The following ADCY1 variants were observed in gnomAD, a reference collection of about 807,000 sequenced individuals.
ADCY1 encodes adenylate cyclase type 1.
ADCY1 carries 28 observed loss-of-function variants against 105.4 expected under a neutral mutation model. That is an observed-to-expected ratio of 0.27 (90% CI 0.20 to 0.36). The LOEUF (loss-of-function observed/expected upper bound fraction) is 0.36, where lower values mean the gene tolerates loss of function less well. Ranked by LOEUF, ADCY1 falls within the 10% of genes least tolerant of loss-of-function variation. The probability of loss-of-function intolerance (pLI) is 1.00; values close to 1 mark genes in which losing one functional copy is unlikely to be tolerated. For missense variants in ADCY1, 977 were observed against 1,434.2 expected (o/e 0.68, Z 5.15); for synonymous variants, 655 against 623.8 (o/e 1.05, Z -0.75).
Position 45,610,507 on chromosome 7 carries a change from G to A in ADCY1, c.908+10G>A, listed in dbSNP as rs74882878. On this transcript the variant is annotated intron_variant, in intron 3 of 19. Coordinates refer to ENST00000297323, the MANE Select transcript of ADCY1 (RefSeq NM_021116.4). ...GGCACGACAATGTGAGGTAGGGCTG[G>A]TGCTGACCCGGCACAGCGGGGAGCC... 1 of 1,609,810 alleles carries A rather than the reference G, an allele frequency of 6.2e-7. No homozygotes were observed. Among genetic ancestry groups the A allele is most frequent in the African/African-American group, 1.3e-5 (1 of 74,832 alleles).
At chr7:45,633,767 A>ACT (rs1199503737) in intron 4 of ADCY1, among the ~76,000 whole-genome samples, 1 of 146,378 alleles carries the variant, frequency 6.8e-6, no homozygotes, top group East Asian at 2.0e-4. Flanking sequence ...GTGCCACTGC[A>ACT]CTCCAGCCTG....
At position 45,575,112 on chromosome 7, in the gene ADCY1, T is replaced by C; in HGVS notation, c.569T>C (p.Val190Ala). 1 of 1,612,502 alleles carries C rather than the reference T, an allele frequency of 6.2e-7. No homozygotes were observed. The highest frequency in any genetic ancestry group is 2.2e-5 in the East Asian group (1 of 44,854). ...CTGCTGGCCATAGGCTTTGGGCTCG[T>C]GGTGGCTGCGTCGCACTTGCTGGTC... ...RSLLAIGFGL[V>A]VAASHLLVTA... Residue 190 changes from valine (V) to alanine (A), a missense_variant, in exon 1 of 20, where the codon GTG becomes GCG. Around this residue, in one of 7 missense-constraint regions of ADCY1, gnomAD observed 196 missense variants for 347.8 expected, o/e 0.56. Coordinates refer to ENST00000297323, the MANE Select transcript of ADCY1 (RefSeq NM_021116.4). The surrounding 1 kb of genome is among the most constrained non-coding windows in gnomAD (Gnocchi z 4.7).
intron 2 of ADCY1, among the ~76,000 whole-genome samples, chr7:45,603,369 T>C (rs1332802402): frequency 6.6e-6 from 1 of 152,254 alleles, no homozygotes; most frequent in Non-Finnish European, 1.5e-5. Context: ...GTTAGCATTT[T>C]AAGGAGCTGC....
chr7:45,708,248 G>A lies in ADCY1; in HGVS notation c.2818-102G>A. 1.4e-6 allele frequency: 1 copy of A among 721,674 alleles called. No homozygotes were observed. The highest frequency in any genetic ancestry group is 2.2e-5 in the Admixed American group (1 of 45,456). 44.7% of individuals were successfully genotyped at this position (721,674 alleles called of 1,614,324 possible). ...GTGCCTATAGCCAGGCACTCAGAGT[G>A]CCTTCCTCTGAAAGTGCAGCTGTTG... On this transcript the variant is annotated intron_variant, in intron 17 of 19. Coordinates refer to ENST00000297323, the MANE Select transcript of ADCY1 (RefSeq NM_021116.4). The surrounding 1 kb of genome is among the most constrained non-coding windows in gnomAD (Gnocchi z 4.7).
At chr7:45,595,632 C>T (rs762394155) in intron 2 of ADCY1, among the ~76,000 whole-genome samples, 5 of 152,254 alleles carry the variant, frequency 3.3e-5, no homozygotes, top group East Asian at 1.9e-4. Flanking sequence ...CTCATCCCCA[C>T]GTTTCCCCAG....
intron 2 of ADCY1, among the ~76,000 whole-genome samples, chr7:45,599,446 G>A (rs1031600705): frequency 1.3e-5 from 2 of 150,658 alleles, no homozygotes; most frequent in Admixed American, 6.6e-5. Context: ...TGGCTTGTGC[G>A]TCACAGTTTG....
chr7:45,641,973 C>T (rs954203591), intron 4 of ADCY1, among the ~76,000 whole-genome samples: 3 of 149,106 alleles, frequency 2.0e-5, no homozygotes, highest in African/African-American at 4.9e-5. Context: ...CTGATTTGTT[C>T]CAACCAGGAT....
At position 45,708,382 on chromosome 7, in the gene ADCY1, G is replaced by A. The variant is rs768503630; in HGVS notation, c.2850G>A (p.Thr950=). The A allele has an allele frequency of 1.4e-5, 22 of 1,614,184 alleles. No homozygotes were observed. Among genetic ancestry groups the A allele is most frequent in the East Asian group, 6.7e-5 (3 of 44,884 alleles). ...AKKSISSHLS[T]LADFAIEMFD... ...AGTCCATCTCCTCCCACCTGAGCAC[G>A]CTGGCGGACTTTGCCATTGAGATGT... The change falls in exon 18 of 20, where the codon ACG becomes ACA. Residue 950 remains threonine, a synonymous_variant. Coordinates refer to ENST00000297323, the MANE Select transcript of ADCY1 (RefSeq NM_021116.4). The surrounding 1 kb of genome is among the most constrained non-coding windows in gnomAD (Gnocchi z 4.7).
chr7:45,678,317 G>T, intron 10 of ADCY1, 54 bp downstream of exon 10: 3 of 1,547,034 alleles, frequency 1.9e-6, no homozygotes, highest in Non-Finnish European at 1.8e-6. Context: ...CCGGTTTCTG[G>T]GGTTCGTGGT....
chr7:45,669,109 G>A (rs1410386748), intron 8 of ADCY1, among the ~76,000 whole-genome samples: 1 of 152,020 alleles, frequency 6.6e-6, no homozygotes, highest in Non-Finnish European at 1.5e-5. Flanking sequence ...TTTTTGAAGG[G>A]TTTTTGTGTC....
intron 3 of ADCY1, among the ~76,000 whole-genome samples, chr7:45,614,618 C>G (rs561979111): frequency 4.6e-5 from 7 of 152,172 alleles, no homozygotes; most frequent in African/African-American, 1.7e-4. Flanking sequence ...AAAAACAAAA[C>G]CAAAACCAAG....
At chr7:45,626,484 A>G (rs528228312) in intron 4 of ADCY1, among the ~76,000 whole-genome samples, 1 of 152,294 alleles carries the variant, frequency 6.6e-6, no homozygotes, top group South Asian at 2.1e-4. Flanking sequence ...CAGGGCTGAC[A>G]GTGCTGGCAG....
At chr7:45,639,558 T>TG (rs1794484850) in intron 4 of ADCY1, among the ~76,000 whole-genome samples, 1 of 152,240 alleles carries the variant, frequency 6.6e-6, no homozygotes, top group African/African-American at 2.4e-5. Flanking sequence ...CTGGGCTGCC[T>TG]GGGGCTCATC....
At chr7:45,709,830 G>C (rs1182315668) in intron 18 of ADCY1, among the ~76,000 whole-genome samples, 1 of 152,210 alleles carries the variant, frequency 6.6e-6, no homozygotes, top group Non-Finnish European at 1.5e-5. Flanking sequence ...TCACAGCCTG[G>C]TATGTGCCCT....
intron 4 of ADCY1, among the ~76,000 whole-genome samples, chr7:45,632,361 G>T (rs894343644): frequency 2.6e-5 from 4 of 152,162 alleles, no homozygotes; most frequent in African/African-American, 7.2e-5. Context: ...TGTAACAAAG[G>T]CTGGTGGAAT....
chr7:45,576,735 G>C (rs548664887), intron 1 of ADCY1, among the ~76,000 whole-genome samples: 1 of 152,130 alleles, frequency 6.6e-6, no homozygotes, highest in East Asian at 1.9e-4. Context: ...GCCTCATGCT[G>C]GCCCCCACAG....
intron 2 of ADCY1, among the ~76,000 whole-genome samples, chr7:45,602,863 T>C (rs1049962428): frequency 6.6e-6 from 1 of 152,230 alleles, no homozygotes; most frequent in Non-Finnish European, 1.5e-5. Flanking sequence ...CAAATGATCT[T>C]ATTGTAGAAA....
At chr7:45,671,948 A>G (rs539024853) in intron 8 of ADCY1, among the ~76,000 whole-genome samples, 1 of 152,242 alleles carries the variant, frequency 6.6e-6, no homozygotes, top group Admixed American at 6.5e-5. Context: ...TTAGTTTTGA[A>G]GATACCCAAT....
At chr7:45,682,649 C>T (rs1236166447) in intron 11 of ADCY1, among the ~76,000 whole-genome samples, 1 of 152,172 alleles carries the variant, frequency 6.6e-6, no homozygotes, top group Non-Finnish European at 1.5e-5. Flanking sequence ...CCCTGTTTTC[C>T]CCATCCTCCT....
Sources: gnomAD v4.1 joint callset for allele counts (sites outside exome capture counted in the v4.1 genomes callset) on GRCh38, gnomAD v4.1.1 for gene constraint, gnomAD v4.1.1 regional missense constraint, Gnocchi (gnomAD v3.1) non-coding constraint, MANE v1.5 for transcripts, NCBI Gene and HGNC (gene_info 2026-07-23, HGNC 2026-07-21) for gene names.